DLGAP2: variants seen among roughly 807,000 people sequenced by gnomAD.
DLGAP2 encodes the protein DLG associated protein 2, also known as disks large-associated protein 2.
In DLGAP2, 26 loss-of-function variants were observed where a neutral mutation model predicts 100.3. That is an observed-to-expected ratio of 0.26 (90% confidence interval 0.19 to 0.36). DLGAP2 has a LOEUF of 0.36. Ranked by LOEUF, DLGAP2 falls within the 10% of genes least tolerant of loss-of-function variation. The pLI, the probability that DLGAP2 is intolerant of heterozygous loss-of-function variation, is 1.00. For synonymous variants in DLGAP2, 886 were observed against 630.1 expected (o/e 1.41, Z -6.08); for missense variants, 1,858 against 1,453.2 (o/e 1.28, Z -4.53).
chr8:1,488,302 G>T (rs575926812), intron 3 of DLGAP2, among the ~76,000 whole-genome samples: 1 of 152,154 alleles, frequency 6.6e-6, no homozygotes, highest in African/African-American at 2.4e-5. Flanking sequence ...GCAGGAGGAC[G>T]CAGCGGGGTG....
intron 1 of DLGAP2, among the ~76,000 whole-genome samples, chr8:831,688 G>A (rs1448044174): frequency 6.6e-6 from 1 of 152,162 alleles, no homozygotes; most frequent in African/African-American, 2.4e-5. Context: ...ATGTGCATGT[G>A]TCTTTATAGT....
intron 3 of DLGAP2, among the ~76,000 whole-genome samples, chr8:1,471,299 TTTTCCCGACCCCTCCAGCC>T (rs1798782771): frequency 1.0e-3 from 1 of 956 alleles, no homozygotes; most frequent in South Asian, 0.056. Context: ...CCCCTCCAGC[TTTTCCCGACCCCTCCAGCC>T]TTTCCCGACC....
intron 2 of DLGAP2, among the ~76,000 whole-genome samples, chr8:981,405 C>G (rs1800327413): frequency 6.6e-6 from 1 of 152,052 alleles, no homozygotes; most frequent in Non-Finnish European, 1.5e-5. Flanking sequence ...GTCCCAGTGT[C>G]CACTTGAGTC....
chr8:1,412,466 C>T (rs973114998), intron 3 of DLGAP2, among the ~76,000 whole-genome samples: 9 of 152,224 alleles, frequency 5.9e-5, no homozygotes, highest in African/African-American at 2.2e-4. Context: ...CTCACGAATT[C>T]AGTGCTGAAA....
chr8:738,633 G>GC (rs1820389147), intron 1 of DLGAP2: 1 of 152,376 alleles, frequency 6.6e-6, no homozygotes, highest in South Asian at 2.1e-4. Flanking sequence ...CGGAGGGCTG[G>GC]GGGGCGGCGG....
intron 1 of DLGAP2, among the ~76,000 whole-genome samples, chr8:779,992 C>A (rs1044779181): frequency 6.6e-6 from 1 of 152,080 alleles, no homozygotes; most frequent in African/African-American, 2.4e-5. Flanking sequence ...CACCAACTTA[C>A]CATTTTTTCT....
chr8:1,411,093 T>C (rs1295980660), intron 3 of DLGAP2, among the ~76,000 whole-genome samples: 1 of 152,194 alleles, frequency 6.6e-6, no homozygotes, highest in African/African-American at 2.4e-5. Context: ...ACGCCAGTTG[T>C]TCCTTTCAGG....
At chr8:1,485,538 C>T (rs188336665) in intron 3 of DLGAP2, among the ~76,000 whole-genome samples, 60 of 152,306 alleles carry the variant, frequency 3.9e-4, no homozygotes, top group African/African-American at 1.2e-3. Context: ...TTGGAGAGGC[C>T]GTGTGTCCCA....
chr8:1,200,644 G>T (rs149282295), intron 2 of DLGAP2, among the ~76,000 whole-genome samples: 1 of 152,220 alleles, frequency 6.6e-6, no homozygotes, highest in Admixed American at 6.5e-5. Context: ...GCAAACTGCA[G>T]ATGTTGGTTT....
At chr8:1,592,509 C>G (rs540100104) in intron 6 of DLGAP2, among the ~76,000 whole-genome samples, 1 of 152,112 alleles carries the variant, frequency 6.6e-6, no homozygotes, top group South Asian at 2.1e-4. Context: ...AAGCGGTCCC[C>G]AAATCCCATC....
intron 1 of DLGAP2, among the ~76,000 whole-genome samples, chr8:863,005 A>T (rs1287308075): frequency 1.3e-5 from 2 of 152,220 alleles, no homozygotes; most frequent in African/African-American, 4.8e-5. Context: ...TACAGATATG[A>T]ATATGGCAGT....
intron 4 of DLGAP2, 94 bp from the exon 5 acceptor site, chr8:1,548,532 T>G: frequency 8.8e-7 from 1 of 1,133,992 alleles, no homozygotes; most frequent in Non-Finnish European, 1.2e-6. Flanking sequence ...TGGACACTGA[T>G]TAATGAAGTC....
intron 7 of DLGAP2, among the ~76,000 whole-genome samples, chr8:1,631,541 C>T (rs556883579): frequency 1.3e-5 from 2 of 152,312 alleles, no homozygotes; most frequent in East Asian, 3.9e-4. Context: ...GGCCATCCTG[C>T]CGGCTGTGTC....
intron 2 of DLGAP2, among the ~76,000 whole-genome samples, chr8:953,759 T>C (rs1307617170): frequency 1.3e-5 from 2 of 152,132 alleles, no homozygotes; most frequent in Non-Finnish European, 2.9e-5. Context: ...GCTGACGCTG[T>C]CACAGTGAAA....
chr8:1,282,107 ACTC>A (rs1799827307), intron 3 of DLGAP2, among the ~76,000 whole-genome samples: 1 of 109,058 alleles, frequency 9.2e-6, no homozygotes, highest in African/African-American at 4.1e-5. Context: ...TGAACCCAGC[ACTC>A]TGAACCATCC....
chr8:742,228 A>C (rs1388535493), intron 1 of DLGAP2, among the ~76,000 whole-genome samples: 2 of 152,232 alleles, frequency 1.3e-5, no homozygotes, highest in East Asian at 3.9e-4. Flanking sequence ...TATATGGTAC[A>C]TCGTGTGTAT....
chr8:1,605,175 C>G (rs1796755644), intron 6 of DLGAP2, among the ~76,000 whole-genome samples: 1 of 152,156 alleles, frequency 6.6e-6, no homozygotes. Context: ...ACATCCGTGA[C>G]TTACCCAGGT....
At chr8:1,204,154 C>T (rs951772062) in intron 2 of DLGAP2, among the ~76,000 whole-genome samples, 2 of 152,182 alleles carry the variant, frequency 1.3e-5, no homozygotes, top group African/African-American at 4.8e-5. Context: ...GTCCACAGAC[C>T]AGAGTTTGAG....
At chr8:1,374,453 C>T (rs541837430) in intron 3 of DLGAP2, among the ~76,000 whole-genome samples, 6 of 152,244 alleles carry the variant, frequency 3.9e-5, no homozygotes, top group Admixed American at 6.5e-5. Flanking sequence ...AGGATGATTG[C>T]GCAAAAGGTC....
Sources: gnomAD v4.1 joint callset for allele counts (sites outside exome capture counted in the v4.1 genomes callset) on GRCh38, gnomAD v4.1.1 for gene constraint, MANE v1.5 for transcripts, NCBI Gene and HGNC (gene_info 2026-07-23, HGNC 2026-07-21) for gene names.